USH2A: variants seen among roughly 807,000 people sequenced by gnomAD.
The protein encoded by USH2A is Usher syndrome 2A (autosomal recessive, mild).
Under a neutral mutation model 538.9 loss-of-function variants are expected in USH2A, and 443 were observed. That is an observed-to-expected ratio of 0.82 (90% CI 0.76 to 0.89). The LOEUF is 0.89. Among genes scored for constraint, USH2A ranks in the 40% least tolerant of loss-of-function variants. The pLI is 0.00. For synonymous variants in USH2A, 2,413 were observed against 2,273.5 expected, an observed-to-expected ratio of 1.06 and a Z score of -1.75; for missense variants, 6,633 against 6,324.8, an observed-to-expected ratio of 1.05 and a Z score of -1.65.
chr1:215,970,744 C>T lies in USH2A; in HGVS notation c.6838G>A (p.Gly2280Ser), dbSNP rs768228666. Residue 2280 changes from glycine (G) to serine (S), a missense_variant, in exon 36 of 72, where the codon GGT becomes AGT. By Grantham distance (56) the Gly-to-Ser change is moderately conservative (BLOSUM62 0). Transcript: ENST00000307340. ...VITSYGLYLD[G>S]ILIHNSSELS... ...TCTGAGGAATTGTGGATTAATATAC[C>T]ATCTAGATATAATCCATAACTCGTG... The T allele has an allele frequency of 1.2e-6, 2 of 1,613,464 alleles. No homozygotes were observed. Among genetic ancestry groups the T allele is most frequent in the Admixed American group, 1.7e-5 (1 of 59,952 alleles).
At chr1:216,221,057 A>G (rs931663409) in intron 14 of USH2A, among the ~76,000 whole-genome samples, 1 of 152,170 alleles carries the variant, frequency 6.6e-6, no homozygotes, top group African/African-American at 2.4e-5. Flanking sequence ...CACAAAGGCT[A>G]GCACACAGTA....
chr1:216,399,923 T>C (rs935422306), intron 3 of USH2A, among the ~76,000 whole-genome samples: 2 of 135,850 alleles, frequency 1.5e-5, no homozygotes, highest in African/African-American at 5.2e-5. Flanking sequence ...CACACCTCAA[T>C]GTAAGGACAG....
In USH2A at chr1:215,884,730, G is replaced by T. The variant is rs534552735; in HGVS notation, c.8223+3696C>A. ...AAAAGTCAATGAGGATGATGATTAAGACTCAACTTCTTTTACTTTGCTTTA... is the reference window on the plus strand; with the variant it reads ...AAAAGTCAATGAGGATGATGATTAATACTCAACTTCTTTTACTTTGCTTTA... On this transcript the variant is annotated intron_variant, in intron 41 of 71. Coordinates refer to ENST00000307340, the MANE Select transcript of USH2A (RefSeq NM_206933.4). Among the ~76,000 whole-genome samples, 150 of 152,304 alleles carry T rather than the reference G, an allele frequency of 9.8e-4. No individual in the cohort carries two copies. The Middle Eastern group carries it at 0.014, about 14-fold the overall frequency.
intron 3 of USH2A, among the ~76,000 whole-genome samples, chr1:216,386,141 ATAAAT>A (rs2038999647): frequency 6.6e-6 from 1 of 152,202 alleles, no homozygotes; most frequent in African/African-American, 2.4e-5. Flanking sequence ...TACTAGTGAA[ATAAAT>A]TAAATTGCAC....
chr1:216,009,464 T>C (rs1668489789), intron 32 of USH2A, among the ~76,000 whole-genome samples: 1 of 152,134 alleles, frequency 6.6e-6, no homozygotes, highest in African/African-American at 2.4e-5. Context: ...TAAATAATTC[T>C]TGTCATAAAA....
chr1:215,855,347 A>G (rs1664135120), intron 44 of USH2A, among the ~76,000 whole-genome samples: 1 of 152,202 alleles, frequency 6.6e-6, no homozygotes, highest in South Asian at 2.1e-4. Flanking sequence ...TGTTATACAC[A>G]AAGAGCTACC....
chr1:216,385,261 C>T (rs943964362), intron 3 of USH2A, among the ~76,000 whole-genome samples: 5 of 152,130 alleles, frequency 3.3e-5, no homozygotes, highest in African/African-American at 1.2e-4. Flanking sequence ...GCACCCTTTG[C>T]TTGGAAGGGC....
intron 3 of USH2A, among the ~76,000 whole-genome samples, chr1:216,403,543 C>T (rs1035843519): frequency 6.6e-6 from 1 of 152,050 alleles, no homozygotes; most frequent in Non-Finnish European, 1.5e-5. Flanking sequence ...AAAGAATTTC[C>T]AGAACTACTA....
intron 19 of USH2A, among the ~76,000 whole-genome samples, chr1:216,191,979 C>T (rs914405382): frequency 5.9e-5 from 9 of 151,770 alleles, no homozygotes; most frequent in African/African-American, 2.2e-4. Context: ...CATTATTGGC[C>T]CCAGAACTTG....
intron 43 of USH2A, among the ~76,000 whole-genome samples, chr1:215,868,500 A>G (rs1393350867): frequency 4.6e-5 from 7 of 152,184 alleles, no homozygotes; most frequent in Admixed American, 1.3e-4. Context: ...CTGCTTTACC[A>G]TCTCTTCTCA....
chr1:216,091,292 A>ATC (rs1221309960), intron 22 of USH2A, among the ~76,000 whole-genome samples: 26 of 152,322 alleles, frequency 1.7e-4, no homozygotes, highest in African/African-American at 6.3e-4. Context: ...GTAAGCCCAG[A>ATC]ATATGATGTG....
chr1:216,275,545 T>C (rs2036656000), intron 11 of USH2A, among the ~76,000 whole-genome samples: 1 of 152,132 alleles, frequency 6.6e-6, no homozygotes, highest in Non-Finnish European at 1.5e-5. Context: ...AATATGTTAG[T>C]TAATTGAATA....
chr1:216,064,318 C>T (rs377479848), intron 30 of USH2A, among the ~76,000 whole-genome samples: 2 of 152,106 alleles, frequency 1.3e-5, no homozygotes, highest in African/African-American at 4.8e-5. Flanking sequence ...GGCCACCATA[C>T]CATCACAGGG....
intron 3 of USH2A, among the ~76,000 whole-genome samples, chr1:216,383,590 A>G (rs955320318): frequency 6.6e-6 from 1 of 152,246 alleles, no homozygotes; most frequent in Non-Finnish European, 1.5e-5. Context: ...CAAAGGTGTG[A>G]TAACTCCCTT....
At chr1:216,362,716 G>T (rs924759134) in intron 4 of USH2A, among the ~76,000 whole-genome samples, 2 of 151,930 alleles carry the variant, frequency 1.3e-5, no homozygotes, top group Admixed American at 1.3e-4. Context: ...GCCAAGGTGG[G>T]TGGATCACCT....
chr1:215,999,806 A>T (rs1668223735), intron 33 of USH2A, among the ~76,000 whole-genome samples: 2 of 152,176 alleles, frequency 1.3e-5, no homozygotes, highest in African/African-American at 4.8e-5. Flanking sequence ...GGCTTGAATA[A>T]ATGTCAGAAT....
intron 21 of USH2A, among the ~76,000 whole-genome samples, chr1:216,168,373 T>C (rs1031278058): frequency 6.6e-6 from 1 of 152,120 alleles, no homozygotes; most frequent in Non-Finnish European, 1.5e-5. Context: ...TTTGAGACTA[T>C]ATAGAAATGA....
chr1:215,637,085 C>T (rs540562043), intron 69 of USH2A, among the ~76,000 whole-genome samples: 1 of 152,044 alleles, frequency 6.6e-6, no homozygotes, highest in Admixed American at 6.6e-5. Flanking sequence ...GGGTTTGAAA[C>T]TCTGGTGGCT....
chr1:215,721,994 C>T (rs1420555622), intron 61 of USH2A, among the ~76,000 whole-genome samples: 1 of 150,382 alleles, frequency 6.6e-6, no homozygotes, highest in Non-Finnish European at 1.5e-5. Context: ...CAGTGCAGGA[C>T]ATCAAGGCTG....
Sources: allele counts gnomAD v4.1 joint callset (sites outside exome capture counted in the v4.1 genomes callset), GRCh38; gene constraint gnomAD v4.1.1; transcripts MANE v1.5; gene names NCBI Gene and HGNC (gene_info 2026-07-23, HGNC 2026-07-21).